Variants in DSCAM observed in about 807,000 individuals in gnomAD.
DSCAM encodes cell adhesion molecule DSCAM.
A neutral mutation model predicts 217.7 loss-of-function variants in DSCAM; 47 were observed. That is an observed-to-expected ratio of 0.22 (90% CI 0.17 to 0.28). The LOEUF (loss-of-function observed/expected upper bound fraction) is 0.28, where lower values mean the gene tolerates loss of function less well. Ranked by LOEUF, DSCAM falls within the 10% of genes least tolerant of loss-of-function variation. DSCAM has a pLI of 1.00. For missense variants in DSCAM, 2,080 were observed against 2,618.3 expected (o/e 0.79, Z 4.49); for synonymous variants, 1,056 against 1,015.3 (o/e 1.04, Z -0.76).
At chr21:40,221,346 T>C (rs1441999534) in intron 11 of DSCAM, among the ~76,000 whole-genome samples, 2 of 151,314 alleles carry the variant, frequency 1.3e-5, no homozygotes, top group Non-Finnish European at 1.5e-5. Context: ...AATTATTTCA[T>C]ATGTATATTT....
intron 3 of DSCAM, among the ~76,000 whole-genome samples, chr21:40,485,408 A>C (rs1201294185): frequency 1.3e-5 from 2 of 150,540 alleles, no homozygotes; most frequent in East Asian, 2.0e-4. Context: ...GCGCCCGGCT[A>C]ATTTTTTGTA....
At chr21:40,364,218 C>T (rs2074801571) in intron 4 of DSCAM, among the ~76,000 whole-genome samples, 1 of 152,152 alleles carries the variant, frequency 6.6e-6, no homozygotes, top group Non-Finnish European at 1.5e-5. Flanking sequence ...GCTATAAAGA[C>T]ACATGCACAC....
intron 9 of DSCAM, among the ~76,000 whole-genome samples, chr21:40,303,166 T>C (rs964048308): frequency 6.6e-6 from 1 of 152,174 alleles, no homozygotes; most frequent in African/African-American, 2.4e-5. Context: ...TAAGATTTAA[T>C]TTACGACACT....
chr21:40,745,440 A>T (rs1169979007), intron 1 of DSCAM, among the ~76,000 whole-genome samples: 1 of 152,226 alleles, frequency 6.6e-6, no homozygotes, highest in African/African-American at 2.4e-5. Context: ...CCTGAGCCCC[A>T]GTGCAAGTTT....
intron 1 of DSCAM, among the ~76,000 whole-genome samples, chr21:40,748,195 A>T (rs1437095497): frequency 1.3e-5 from 2 of 152,018 alleles, no homozygotes; most frequent in Non-Finnish European, 2.9e-5. Context: ...TGTTCAACAT[A>T]GCACTGAAGA....
chr21:40,307,668 G>C, intron 9 of DSCAM, among the ~76,000 whole-genome samples: 1 of 152,160 alleles, frequency 6.6e-6, no homozygotes, highest in East Asian at 1.9e-4. Context: ...CAATAGCAAA[G>C]ACTTGGGACC....
chr21:40,133,597 T>A, intron 19 of DSCAM, among the ~76,000 whole-genome samples: 1 of 137,860 alleles, frequency 7.3e-6, no homozygotes, highest in Admixed American at 7.8e-5. Context: ...CAATAATACT[T>A]GGCCAAAAAA....
chr21:40,023,299 T>C (rs941669275), intron 32 of DSCAM, among the ~76,000 whole-genome samples: 1 of 152,178 alleles, frequency 6.6e-6, no homozygotes, highest in African/African-American at 2.4e-5. Context: ...TCCAAGTCTT[T>C]GCTATTGTGA....
chr21:40,321,341 T>C (rs1007757764), intron 8 of DSCAM, among the ~76,000 whole-genome samples: 4 of 152,234 alleles, frequency 2.6e-5, no homozygotes, highest in Admixed American at 6.5e-5. Flanking sequence ...GTATCTCAAA[T>C]CCCAAACCAA....
At chr21:40,679,230 C>T (rs970301062) in intron 3 of DSCAM, among the ~76,000 whole-genome samples, 1 of 152,196 alleles carries the variant, frequency 6.6e-6, no homozygotes. Context: ...AACACCACCA[C>T]TCTCATGGAA....
At chr21:40,469,827 T>A (rs537805329) in intron 3 of DSCAM, among the ~76,000 whole-genome samples, 2 of 152,230 alleles carry the variant, frequency 1.3e-5, no homozygotes, top group Admixed American at 1.3e-4. Context: ...AATTTCTTTA[T>A]AACCATATGA....
chr21:40,348,639 A>T (rs929593895), intron 5 of DSCAM, among the ~76,000 whole-genome samples: 1 of 152,180 alleles, frequency 6.6e-6, no homozygotes, highest in Non-Finnish European at 1.5e-5. Context: ...ATCATACTCC[A>T]CACAGTTCCT....
intron 3 of DSCAM, among the ~76,000 whole-genome samples, chr21:40,532,892 G>A (rs148140558): frequency 0.15 from 22,647 of 151,330 alleles, 1,882 homozygotes; most frequent in Middle Eastern, 0.22. Flanking sequence ...GTGTGTGTGT[G>A]TGTGTGTGTG....
chr21:40,142,832 G>GA (rs1479829742), intron 17 of DSCAM, 128 bp from the exon 18 acceptor site: 7 of 1,072,750 alleles, frequency 6.5e-6, no homozygotes, highest in South Asian at 1.7e-5. Flanking sequence ...CAAAATGAAA[G>GA]AAAAAATAAC....
At chr21:40,510,888 G>T (rs909765685) in intron 3 of DSCAM, among the ~76,000 whole-genome samples, 3 of 152,194 alleles carry the variant, frequency 2.0e-5, no homozygotes, top group African/African-American at 7.2e-5. Flanking sequence ...TCTGCCAGAT[G>T]GGTTAATTTG....
intron 9 of DSCAM, among the ~76,000 whole-genome samples, chr21:40,305,655 C>T (rs1455987924): frequency 1.3e-5 from 2 of 152,140 alleles, no homozygotes; most frequent in African/African-American, 4.8e-5. Context: ...CAGCTTTCTA[C>T]ATATGGCTAG....
intron 3 of DSCAM, among the ~76,000 whole-genome samples, chr21:40,666,746 G>A (rs569601906): frequency 9.9e-5 from 15 of 152,274 alleles, no homozygotes; most frequent in South Asian, 4.2e-4. Flanking sequence ...GACCAGTTGC[G>A]GTTAGCGCTA....
chr21:40,392,887 T>C (rs2075146559), intron 3 of DSCAM, among the ~76,000 whole-genome samples: 1 of 152,130 alleles, frequency 6.6e-6, no homozygotes, highest in Non-Finnish European at 1.5e-5. Flanking sequence ...CTGTTAATCA[T>C]GAAAAAAATT....
chr21:40,067,574 A>C (rs1273630976), intron 27 of DSCAM, among the ~76,000 whole-genome samples: 1 of 152,116 alleles, frequency 6.6e-6, no homozygotes, highest in Non-Finnish European at 1.5e-5. Context: ...CTTTGTAAAC[A>C]TTGTCTGCAA....
Sources: gnomAD v4.1 joint callset for allele counts (sites outside exome capture counted in the v4.1 genomes callset) on GRCh38, gnomAD v4.1.1 for gene constraint, MANE v1.5 for transcripts, NCBI Gene and HGNC (gene_info 2026-07-23, HGNC 2026-07-21) for gene names.